RANBP2: variants seen among roughly 807,000 people sequenced by gnomAD.
RANBP2 encodes the protein RAN binding protein 2, also known as E3 SUMO-protein ligase RanBP2.
RANBP2 carries 57 observed loss-of-function variants against 303.6 expected under a neutral mutation model. That is an observed-to-expected ratio of 0.19 (90% CI 0.15 to 0.23). RANBP2 has a LOEUF of 0.23. Ranked by LOEUF, RANBP2 falls within the 10% of genes least tolerant of loss-of-function variation. The pLI, the probability that RANBP2 is intolerant of heterozygous loss-of-function variation, is 1.00. For synonymous variants in RANBP2, 1,167 were observed against 1,301.5 expected, an observed-to-expected ratio of 0.90 and a Z score of 2.23; for missense variants, 3,138 against 3,780.8, an observed-to-expected ratio of 0.83 and a Z score of 4.46.
the RANBP2 span, among the ~76,000 whole-genome samples, chr2:108,924,124 A>G: frequency 6.6e-6 from 1 of 152,246 alleles, no homozygotes; most frequent in Admixed American, 6.5e-5. Flanking sequence ...CTGCACACAC[A>G]GTGCAAGGGA....
chr2:108,776,010 C>T, intron 24 of RANBP2, 74 bp downstream of exon 24: 1 of 1,356,752 alleles, frequency 7.4e-7, no homozygotes, highest in Non-Finnish European at 1.0e-6. Context: ...CTTTTAAAGG[C>T]TGATCCTGAA....
At chr2:109,202,143 G>A in the RANBP2 span, among the ~76,000 whole-genome samples, 1 of 152,246 alleles carries the variant, frequency 6.6e-6, no homozygotes, top group African/African-American at 2.4e-5. Flanking sequence ...GCATATGGAC[G>A]CACTTACAGC....
chr2:109,670,949 T>C, the RANBP2 span, among the ~76,000 whole-genome samples: 63 of 152,124 alleles, frequency 4.1e-4, 1 homozygote, highest in Non-Finnish European at 8.2e-4. Flanking sequence ...GGCACTATGG[T>C]GTCTCCAATC....
chr2:109,634,712 A>G, the RANBP2 span, among the ~76,000 whole-genome samples: 1 of 152,242 alleles, frequency 6.6e-6, no homozygotes, highest in Non-Finnish European at 1.5e-5. Context: ...GCATAATACA[A>G]TAATAACAAC....
At chr2:109,350,045 C>T in the RANBP2 span, among the ~76,000 whole-genome samples, 13 of 152,240 alleles carry the variant, frequency 8.5e-5, no homozygotes, top group African/African-American at 2.9e-4. Context: ...TCACGAGCTG[C>T]ATCGGATCAC....
At chr2:109,569,714 C>T in the RANBP2 span, among the ~76,000 whole-genome samples, 2 of 152,028 alleles carry the variant, frequency 1.3e-5, no homozygotes, top group African/African-American at 4.8e-5. Context: ...CAAATTATGC[C>T]AAGTTAATAA....
At chr2:109,209,548 A>G in the RANBP2 span, among the ~76,000 whole-genome samples, 1 of 152,128 alleles carries the variant, frequency 6.6e-6, no homozygotes, top group African/African-American at 2.4e-5. Flanking sequence ...TTATCTGAGG[A>G]AAGTTCCTAG....
At chr2:109,169,945 C>G in the RANBP2 span, among the ~76,000 whole-genome samples, 1 of 152,090 alleles carries the variant, frequency 6.6e-6, no homozygotes, top group Admixed American at 6.5e-5. Flanking sequence ...AGTTTTAAAT[C>G]TTTAAGAGAC....
the RANBP2 span, chr2:109,371,575 C>G: frequency 1.7e-5 from 27 of 1,612,936 alleles, no homozygotes; most frequent in Non-Finnish European, 2.3e-5. Flanking sequence ...ACGGTGGACC[C>G]GGAACTGCAG....
In RANBP2 at chr2:108,784,103, G is replaced by A. The variant is rs1013057743; in HGVS notation, c.*202G>A. 1.8e-5 allele frequency: 10 copies of A among 556,728 alleles called. No homozygotes were observed. The highest frequency in any genetic ancestry group is 1.7e-4 in the African/African-American group (9 of 53,082). The allele number at this position is 556,728 out of a possible 1,614,324, so 34.5% of individuals were successfully genotyped here. ...GTGAAATAAAAGTTTAAACACTGGT[G>A]TATTTCAGGTGTACTTGTGTTTATG... On this transcript the variant is annotated 3_prime_UTR_variant, in exon 29 of 29. Transcript: ENST00000283195.
At chr2:109,551,023 T>C in the RANBP2 span, among the ~76,000 whole-genome samples, 1 of 152,238 alleles carries the variant, frequency 6.6e-6, no homozygotes, top group Non-Finnish European at 1.5e-5. Context: ...GTACTTTTTC[T>C]TAAAGTGGGG....
chr2:109,167,748 T>G, the RANBP2 span, among the ~76,000 whole-genome samples: 2 of 152,130 alleles, frequency 1.3e-5, no homozygotes, highest in African/African-American at 4.8e-5. Flanking sequence ...ATTTTTTGTA[T>G]TTTTAGTAGA....
Position 108,753,536 on chromosome 2 carries a change from T to C in RANBP2, c.2028T>C (p.Ser676=). 1.2e-6 allele frequency: 2 copies of C among 1,611,728 alleles called. No homozygotes were observed. Among genetic ancestry groups the C allele is most frequent in the Non-Finnish European group, 1.7e-6 (2 of 1,179,790 alleles). Residue 676 remains serine (S), a synonymous_variant, in exon 14 of 29, where the codon AGT becomes AGC. Coordinates refer to ENST00000283195, the MANE Select transcript of RANBP2 (RefSeq NM_006267.5). ...TGACTGCTTTTGAATCTATAAAAAG[T>C]GTTGTTTCTTATTGGAATCTTGCAC... ...DAVTAFESIK[S]VVSYWNLALI...
At chr2:109,129,407 C>T in the RANBP2 span, 3 of 1,423,866 alleles carry the variant, frequency 2.1e-6, no homozygotes, top group East Asian at 2.8e-5. Context: ...GCCCTAGCAT[C>T]GGGCCACCAG....
chr2:108,908,013 G>A, the RANBP2 span: 23 of 1,607,654 alleles, frequency 1.4e-5, no homozygotes, highest in South Asian at 1.2e-4. Context: ...ATGAGGCATC[G>A]TTCTCGCTGC....
chr2:108,907,803 TG>T, the RANBP2 span: 1 of 1,603,370 alleles, frequency 6.2e-7, no homozygotes, highest in East Asian at 2.2e-5. Context: ...GTTTTAGTCT[TG>T]CGGCTGTGAG....
the RANBP2 span, among the ~76,000 whole-genome samples, chr2:109,249,517 C>CTTTCTTTCTTTCT: frequency 3.5e-5 from 3 of 86,932 alleles, no homozygotes; most frequent in Non-Finnish European, 7.1e-5. Flanking sequence ...TTCATTCTTT[C>CTTTCTTTCTTTCT]TTTTTCTTTC....
the RANBP2 span, among the ~76,000 whole-genome samples, chr2:108,959,026 G>A: frequency 2.6e-5 from 4 of 152,236 alleles, no homozygotes; most frequent in Non-Finnish European, 4.4e-5. Context: ...TGAAGAACGG[G>A]ACACTGTGCT....
chr2:109,682,950 C>T, the RANBP2 span, among the ~76,000 whole-genome samples: 1 of 152,196 alleles, frequency 6.6e-6, no homozygotes, highest in Non-Finnish European at 1.5e-5. Context: ...TCATTTACCA[C>T]CCCCGCTCAA....
Sources: gnomAD v4.1 joint callset for allele counts (sites outside exome capture counted in the v4.1 genomes callset) on GRCh38, gnomAD v4.1.1 for gene constraint, MANE v1.5 for transcripts, NCBI Gene and HGNC (gene_info 2026-07-23, HGNC 2026-07-21) for gene names.